The following LIPJ variants were observed in gnomAD, a reference collection of about 807,000 sequenced individuals.
LIPJ encodes lipase family member J.
A neutral mutation model predicts 39.8 loss-of-function variants in LIPJ; 33 were observed. The observed-to-expected ratio is 0.83, with a 90% CI of 0.63 to 1.11. The LOEUF (loss-of-function observed/expected upper bound fraction) is 1.11, where lower values mean the gene tolerates loss of function less well. LIPJ is among the 50% of genes least tolerant of loss of function. The probability of loss-of-function intolerance (pLI) is 0.00; values close to 1 mark genes in which losing one functional copy is unlikely to be tolerated. For missense variants in LIPJ, 422 were observed against 427.9 expected, an observed-to-expected ratio of 0.99 and a Z score of 0.12; for synonymous variants, 128 against 139.2, an observed-to-expected ratio of 0.92 and a Z score of 0.57.
At chr10:88,605,547 G>T in intron 9 of LIPJ, 86 bp from the exon 10 acceptor site, 1 of 837,692 alleles carries the variant, frequency 1.2e-6, no homozygotes, top group Non-Finnish European at 2.0e-6. Context: ...AGTACAATGG[G>T]GGTATATATG....
At chr10:88,606,983 T>C, downstream of LIPJ, 3 of 1,349,338 alleles carry the variant, frequency 2.2e-6, no homozygotes, top group Non-Finnish European at 2.9e-6. Flanking sequence ...TTTACCTGTG[T>C]ATGTTCTTTC....
downstream of LIPJ, among the ~76,000 whole-genome samples, chr10:88,611,692 A>C (rs781162228): frequency 5.9e-5 from 9 of 152,332 alleles, no homozygotes; most frequent in Non-Finnish European, 1.3e-4. Flanking sequence ...AAGGCTTTTG[A>C]ATTAACCCCA....
downstream of LIPJ, among the ~76,000 whole-genome samples, chr10:88,611,239 C>G (rs1162956235): frequency 1.3e-5 from 2 of 152,182 alleles, no homozygotes; most frequent in African/African-American, 4.8e-5. Context: ...AAGGGAGCAC[C>G]CCATGGGACA....
chr10:88,613,828 A>G, the LIPJ span, among the ~76,000 whole-genome samples: 570 of 117,718 alleles, frequency 4.8e-3, 12 homozygotes, highest in Middle Eastern at 9.1e-3. Flanking sequence ...ATATATATAT[A>G]TGTGTGTATA....
intron 8 of LIPJ, among the ~76,000 whole-genome samples, chr10:88,599,710 CAT>C (rs749594455): frequency 5.4e-4 from 80 of 149,526 alleles, no homozygotes; most frequent in Non-Finnish European, 7.6e-4. Flanking sequence ...CACACACACA[CAT>C]ATATATATAT....
the LIPJ span, among the ~76,000 whole-genome samples, chr10:88,613,953 A>T: frequency 6.7e-6 from 1 of 150,104 alleles, no homozygotes; most frequent in East Asian, 1.9e-4. Context: ...TTTAAAAGTC[A>T]GTTTTACTGT....
intron 8 of LIPJ, among the ~76,000 whole-genome samples, chr10:88,598,962 A>ATT (rs1209635039): frequency 3.4e-5 from 5 of 146,130 alleles, no homozygotes; most frequent in Middle Eastern, 3.6e-3. Flanking sequence ...TTAATAATAT[A>ATT]ATATATTATA....
intron 4 of LIPJ, chr10:88,593,350 C>T (rs1851144105): frequency 6.6e-6 from 1 of 151,784 alleles, no homozygotes; most frequent in African/African-American, 2.4e-5. Flanking sequence ...AGCTCTTGTT[C>T]CTCAGACTCC....
chr10:88,613,770 G>GTA, the LIPJ span, among the ~76,000 whole-genome samples: 1,383 of 75,430 alleles, frequency 0.018, 20 homozygotes, highest in South Asian at 0.026. Flanking sequence ...ATGTGTGTGT[G>GTA]TATATATATA....
At chr10:88,583,131 C>T, upstream of LIPJ, 2 of 1,614,132 alleles carry the variant, frequency 1.2e-6, no homozygotes, top group Non-Finnish European at 1.7e-6. Flanking sequence ...TCTGCCTCCT[C>T]AGCAGCGCAG....
the LIPJ span, among the ~76,000 whole-genome samples, chr10:88,622,578 C>A: frequency 6.6e-6 from 1 of 152,104 alleles, no homozygotes; most frequent in Non-Finnish European, 1.5e-5. Context: ...ATGATTCTGA[C>A]AGTACTGACC....
chr10:88,596,406 C>A lies in LIPJ; in HGVS notation c.566C>A (p.Ser189Ter). 6.5e-7 allele frequency: 1 copy of A among 1,533,454 alleles called. No homozygotes were observed. The highest frequency in any genetic ancestry group is 1.3e-5 in the South Asian group (1 of 75,470). The allele number at this position is 1,533,454 out of a possible 1,614,324, so 95.0% of individuals were successfully genotyped here. Residue 189 changes from serine to a stop codon, truncating the protein, a stop_gained, in exon 7 of 11, where the codon TCA (serine) becomes TAA (stop). Coordinates refer to ENST00000371939, the Ensembl canonical transcript of LIPJ. LOFTEE classifies it high-confidence loss of function. ...ATTAGAATGACATACAAATGGAAGT[C>A]AATAGTCATGGTATGTTCTACCTTT...
At chr10:88,609,838 G>T (rs972636043), downstream of LIPJ, among the ~76,000 whole-genome samples, 3 of 148,612 alleles carry the variant, frequency 2.0e-5, no homozygotes, top group Admixed American at 6.8e-5. Flanking sequence ...GGCAGAGGTT[G>T]CAGTAAGCCG....
downstream of LIPJ, among the ~76,000 whole-genome samples, chr10:88,611,709 C>G (rs1007338009): frequency 6.6e-6 from 1 of 152,018 alleles, no homozygotes; most frequent in South Asian, 2.1e-4. Flanking sequence ...CCCATCCATA[C>G]AAGACAAAGA....
the LIPJ span, chr10:88,618,902 G>A: frequency 6.5e-6 from 1 of 152,974 alleles, no homozygotes; most frequent in African/African-American, 2.4e-5. Context: ...GGCACAGCAG[G>A]AACCTTCTTT....
At chr10:88,590,454 T>G in intron 2 of LIPJ, 131 bp from the exon 3 acceptor site, 2 of 412,134 alleles carry the variant, frequency 4.9e-6, no homozygotes, top group Non-Finnish European at 4.4e-6. Context: ...GTTATTTAAT[T>G]CTTCAAAGCC....
upstream of LIPJ, chr10:88,583,271 G>A (rs934387640): frequency 1.3e-6 from 2 of 1,573,614 alleles, no homozygotes; most frequent in African/African-American, 1.4e-5. Flanking sequence ...CGGCCGAACC[G>A]GCGCTAGCGC....
chr10:88,620,390 G>T, the LIPJ span, among the ~76,000 whole-genome samples: 2 of 152,170 alleles, frequency 1.3e-5, no homozygotes, highest in African/African-American at 4.8e-5. Context: ...TTATGATTAT[G>T]AAAGATGTTA....
downstream of LIPJ, among the ~76,000 whole-genome samples, chr10:88,608,504 C>G (rs926626099): frequency 6.6e-6 from 1 of 152,204 alleles, no homozygotes; most frequent in African/African-American, 2.4e-5. Flanking sequence ...TTCCTGAATA[C>G]TGCATAACTT....
Sources: gnomAD v4.1 joint callset for allele counts (sites outside exome capture counted in the v4.1 genomes callset) on GRCh38, gnomAD v4.1.1 for gene constraint, MANE v1.5 for transcripts, NCBI Gene and HGNC (gene_info 2026-07-23, HGNC 2026-07-21) for gene names.